The following FMNL1 variants were observed in gnomAD, a reference collection of about 807,000 sequenced individuals.
The protein encoded by FMNL1 is formin-like protein 1.
Under a neutral mutation model 121.3 loss-of-function variants are expected in FMNL1, and 43 were observed. The ratio of observed to expected loss-of-function variants is 0.35; its 90% CI spans 0.28 to 0.46. The LOEUF is 0.46. FMNL1 is among the 20% of genes least tolerant of loss of function. FMNL1 has a pLI of 1.00. For synonymous variants in FMNL1, 613 were observed against 613.5 expected (o/e 1.00, Z 0.01); for missense variants, 1,191 against 1,482.4 (o/e 0.80, Z 3.23).
intron 19 of FMNL1, among the ~76,000 whole-genome samples, 176 bp downstream of exon 19, chr17:45,244,420 G>A (rs2043781820): frequency 6.6e-6 from 1 of 152,246 alleles, no homozygotes; most frequent in Admixed American, 6.5e-5. Context: ...AGCCGTGTCT[G>A]TAGCAGCTCA....
At chr17:45,245,597 G>T (rs374026949) in intron 22 of FMNL1, 35 bp from the exon 23 acceptor site, 171 of 1,612,248 alleles carry the variant, frequency 1.1e-4, no homozygotes, top group Middle Eastern at 6.6e-4. Context: ...GCTGTGAGAG[G>T]TCTAAGCTGG....
At position 45,233,502 on chromosome 17, in the gene FMNL1, C is replaced by T; in HGVS notation, c.402-146C>T. 1.9e-6 allele frequency: 2 copies of T among 1,040,208 alleles called. No individual in the cohort carries two copies. The highest frequency in any genetic ancestry group is 3.1e-5 in the South Asian group (2 of 64,000). The allele number at this position is 1,040,208 out of a possible 1,614,324, so 64.4% of individuals were successfully genotyped here. A position where few individuals can be genotyped will look rare whatever the true frequency, so the allele number is the denominator to read the frequency against. On this transcript the variant is annotated intron_variant, in intron 4 of 26. Coordinates refer to ENST00000331495, the MANE Select transcript of FMNL1 (RefSeq NM_005892.4). This position sits in a 1 kb window ranked among gnomAD's most constrained non-coding sequence, Gnocchi z 4.1. Reference sequence around the variant, plus strand: ...TTGAGGCATGGCTGGGCTGTGGGACCCACCTGAGTCTCCCAGAATCCTTTG... The same window carrying T: ...TTGAGGCATGGCTGGGCTGTGGGACTCACCTGAGTCTCCCAGAATCCTTTG...
At position 45,245,080 on chromosome 17, in the gene FMNL1, C is replaced by A; in HGVS notation, c.2700C>A (p.Asp900Glu). Reference sequence around the variant, plus strand: ...CGCAACTCACAGGCTTCCACAGCGACCTGCACTTCCTGGACAAGGCGGGCT... The same window carrying A: ...CGCAACTCACAGGCTTCCACAGCGAACTGCACTTCCTGGACAAGGCGGGCT... ...KYPQLTGFHS[D>E]LHFLDKAGSV... is the part of the protein sequence containing the mutation. The change falls in exon 21 of 27, where the codon GAC becomes GAA. Residue 900 changes from aspartate (D) to glutamate (E), a missense_variant. Physicochemically the swap from Asp to Glu is conservative, Grantham distance 45. Transcript: ENST00000331495. 3 of 1,614,144 alleles carry A rather than the reference C, an allele frequency of 1.9e-6. No homozygotes were observed. The East Asian group carries it at 6.7e-5, about 36-fold the overall frequency.
At chr17:45,235,736 G>T (rs756912433) in intron 6 of FMNL1, among the ~76,000 whole-genome samples, 3 of 152,224 alleles carry the variant, frequency 2.0e-5, no homozygotes, top group Non-Finnish European at 4.4e-5. Context: ...GGGATAGGGA[G>T]ATTAAGTGAC....
In FMNL1 at chr17:45,241,457, C is replaced by A; in HGVS notation, c.1408C>A (p.Pro470Thr). 1 of 1,568,346 alleles carries A rather than the reference C, an allele frequency of 6.4e-7. No individual in the cohort carries two copies. The highest frequency in any genetic ancestry group is 2.4e-5 in the East Asian group (1 of 42,518). The change falls in exon 14 of 27, where the codon CCG (proline) becomes ACG (threonine). Residue 470 changes from proline to threonine, a missense_variant. Pro to Thr is a conservative substitution (Grantham distance 38, BLOSUM62 -1). Coordinates refer to ENST00000331495, the MANE Select transcript of FMNL1 (RefSeq NM_005892.4). This position sits in a 1 kb window ranked among gnomAD's most constrained non-coding sequence, Gnocchi z 7.0. ...GCCTGAGAAAGCGCCTCCCGCTGCC[C>A]CGACGCGGCCCTCGGCCCTGGAGCT... is the stretch of plus-strand genomic sequence containing the variant. ...PEPEKAPPAA[P>T]TRPSALELKV...
chr17:45,241,967 C>G lies in FMNL1; in HGVS notation c.1706C>G (p.Pro569Arg). 1 of 1,332,456 alleles carries G rather than the reference C, an allele frequency of 7.5e-7. No homozygotes were observed. The highest frequency in any genetic ancestry group is 1.6e-5 in the African/African-American group (1 of 64,340). 82.5% of individuals were successfully genotyped at this position (1,332,456 alleles called of 1,614,324 possible). A position where few individuals can be genotyped will look rare whatever the true frequency, so the allele number is the denominator to read the frequency against. ...GCGCCCCCACAGGCCCCGCCTCTCC[C>G]TGGCAGCCCGGAGCCCCCGCCTGCG... is the stretch of plus-strand genomic sequence containing the variant. ...PSAPPQAPPL[P>R]GSPEPPPAPP... Residue 569 changes from proline (P) to arginine (R), a missense_variant, in exon 15 of 27, where the codon CCT becomes CGT. By Grantham distance (103) the Pro-to-Arg change is moderately radical. This residue lies in a region of FMNL1 where 519 missense variants were observed against 492.8 expected (regional missense o/e 1.05). Transcript: ENST00000331495. The surrounding 1 kb of genome is among the most constrained non-coding windows in gnomAD (Gnocchi z 7.0).
rs182815218 is a variant in FMNL1 at position 45,237,220 on chromosome 17, G to A, written c.724-61G>A. Reference sequence around the variant, plus strand: ...GAGGGCAGTTAAAGATCCACGTGGCGTGGGTGCCTGAAGTCCTGGGGGGCC... The same window carrying A: ...GAGGGCAGTTAAAGATCCACGTGGCATGGGTGCCTGAAGTCCTGGGGGGCC... On this transcript the variant is annotated intron_variant, in intron 7 of 26. Coordinates refer to ENST00000331495, the MANE Select transcript of FMNL1 (RefSeq NM_005892.4). The surrounding 1 kb of genome is among the most constrained non-coding windows in gnomAD (Gnocchi z 4.4). 5.2e-4 allele frequency: 789 copies of A among 1,519,926 alleles called. 21 individuals are homozygous for A. The Admixed American group carries it at 9.9e-3, about 19-fold the overall frequency. The allele number at this position is 1,519,926 out of a possible 1,614,324, so 94.2% of individuals were successfully genotyped here. A position where few individuals can be genotyped will look rare whatever the true frequency, so the allele number is the denominator to read the frequency against.
rs1282755238 is a variant in FMNL1, at chr17:45,243,175, C to G, written c.2068C>G (p.Leu690Val). 2 of 1,614,262 alleles carry G rather than the reference C, an allele frequency of 1.2e-6. No homozygotes were observed. Among genetic ancestry groups the G allele is most frequent in the South Asian group, 2.2e-5 (2 of 91,088 alleles). ...CAAGACCAAGTCCCAAGGCCCCAGC[C>G]TGGACCTCAGCGCTCTCAAGAGTAA... Reference protein sequence around the residue: ...QFKTKSQGPSLDLSALKSKAA... With the variant: ...QFKTKSQGPSVDLSALKSKAA... The change falls in exon 17 of 27, where the codon CTG becomes GTG. Residue 690 changes from leucine to valine, a missense_variant. Coordinates refer to ENST00000331495, the MANE Select transcript of FMNL1 (RefSeq NM_005892.4).
chr17:45,243,864 A>G lies in FMNL1; in HGVS notation c.2287A>G (p.Ser763Gly), dbSNP rs776153031. 6.2e-7 allele frequency: 1 copy of G among 1,613,956 alleles called. No homozygotes were observed. Among genetic ancestry groups the G allele is most frequent in the Non-Finnish European group, 8.5e-7 (1 of 1,180,036 alleles). ...MRFLPTEYER[S>G]LITRFEREQR... The stretch of plus-strand genomic sequence containing the variant: ...CTTCCTGCCCACAGAGTATGAGCGC[A>G]GCCTCATCACCCGCTTTGAGCGGGA... Residue 763 changes from serine to glycine, a missense_variant, in exon 18 of 27, where the codon AGC (serine) becomes GGC (glycine). This residue lies in a region of FMNL1 where 367 missense variants were observed against 528.6 expected (regional missense o/e 0.69). Coordinates refer to ENST00000331495, the MANE Select transcript of FMNL1 (RefSeq NM_005892.4).
Position 45,245,273 on chromosome 17 carries a change from G to A in FMNL1, c.2749G>A (p.Ala917Thr), listed in dbSNP as rs1002636776. 5 of 1,614,080 alleles carry A rather than the reference G, an allele frequency of 3.1e-6. No homozygotes were observed. Among genetic ancestry groups the A allele is most frequent in the Non-Finnish European group, 4.2e-6 (5 of 1,180,028 alleles). ...AGSVSLDSVL[A>T]DVRSLQRGLE... ...CCCAGTGTCCCTGGACAGTGTCCTGGCGGACGTGCGCTCCCTGCAGCGAGG... is the reference window on the plus strand; with the variant it reads ...CCCAGTGTCCCTGGACAGTGTCCTGACGGACGTGCGCTCCCTGCAGCGAGG... The change falls in exon 22 of 27, where the codon GCG becomes ACG. Residue 917 changes from alanine to threonine, a missense_variant. Transcript: ENST00000331495.
intron 1 of FMNL1, among the ~76,000 whole-genome samples, chr17:45,229,758 C>T (rs974041810): frequency 1.3e-4 from 20 of 152,102 alleles, no homozygotes; most frequent in African/African-American, 3.9e-4. Context: ...GCAGGGGCAC[C>T]GTACCCTTGT....
At position 45,231,255 on chromosome 17, in the gene FMNL1, G is replaced by A. The variant is rs1421521707; in HGVS notation, c.213+568G>A. Reference sequence around the variant, plus strand: ...CTTCAAGGGCTGCGGTCGGCCATGGGCCGACCCTCTCCCAGCGCTGGGCTG... The same window carrying A: ...CTTCAAGGGCTGCGGTCGGCCATGGACCGACCCTCTCCCAGCGCTGGGCTG... On this transcript the variant is annotated intron_variant, in intron 2 of 26. Coordinates refer to ENST00000331495, the MANE Select transcript of FMNL1 (RefSeq NM_005892.4). The surrounding 1 kb of genome is among the most constrained non-coding windows in gnomAD (Gnocchi z 4.7). 2.0e-5 allele frequency among the ~76,000 whole-genome samples: 3 copies of A among 152,192 alleles called. No homozygotes were observed. The highest frequency in any genetic ancestry group is 1.9e-4 in the East Asian group (1 of 5,184).
intron 24 of FMNL1, 91 bp downstream of exon 24, chr17:45,246,064 C>T (rs1026079103): frequency 6.6e-7 from 1 of 1,522,718 alleles, no homozygotes; most frequent in African/African-American, 1.4e-5. Flanking sequence ...CTCACTGTTA[C>T]AGACTGACCC....
chr17:45,233,341 C>T lies in FMNL1; in HGVS notation c.401+44C>T, dbSNP rs201087162. 1 of 1,535,952 alleles carries T rather than the reference C, an allele frequency of 6.5e-7. No homozygotes were observed. The highest frequency in any genetic ancestry group is 2.4e-5 in the East Asian group (1 of 40,870). ...CTTCCTCTCTGGGCCTAGGAAGGCT[C>T]TGCTTCCAGGCAGCTCCTGGAGCTT... is the stretch of plus-strand genomic sequence containing the variant. On this transcript the variant is annotated intron_variant, in intron 4 of 26. Transcript: ENST00000331495. This position sits in a 1 kb window ranked among gnomAD's most constrained non-coding sequence, Gnocchi z 4.1.
intron 1 of FMNL1, among the ~76,000 whole-genome samples, chr17:45,225,410 GCT>G (rs1314677714): frequency 1.3e-5 from 2 of 152,226 alleles, no homozygotes; most frequent in Non-Finnish European, 2.9e-5. Context: ...CCATGGGGTC[GCT>G]CAGGCCTTAT....
At chr17:45,244,142 C>T (rs1459858267) in intron 18 of FMNL1, 34 bp from the exon 19 acceptor site, 2 of 1,611,414 alleles carry the variant, frequency 1.2e-6, no homozygotes, top group Admixed American at 3.4e-5. Context: ...GGAGGAGGCT[C>T]CAACTTATCT....
chr17:45,246,064 C>A lies in FMNL1; in HGVS notation c.3090+91C>A. 3 of 1,522,836 alleles carry A rather than the reference C, an allele frequency of 2.0e-6. No individual in the cohort carries two copies. In the South Asian group the frequency reaches 3.9e-5, roughly 20 times the overall value. The allele number at this position is 1,522,836 out of a possible 1,614,324, so 94.3% of individuals were successfully genotyped here. On this transcript the variant is annotated intron_variant, in intron 24 of 26. Coordinates refer to ENST00000331495, the MANE Select transcript of FMNL1 (RefSeq NM_005892.4). The stretch of plus-strand genomic sequence containing the variant: ...TGCCACCCCCACACCCTCACTGTTA[C>A]AGACTGACCCTGCCCCAGGAGCCTG...
intron 26 of FMNL1, 121 bp from the exon 27 acceptor site, chr17:45,246,746 C>T: frequency 1.2e-6 from 1 of 825,280 alleles, no homozygotes; most frequent in Non-Finnish European, 1.9e-6. Flanking sequence ...CAAACATAAA[C>T]GGTACCCCTG....
At chr17:45,239,221 TCTCAGTG>T in intron 11 of FMNL1, 156 bp downstream of exon 11, 1 of 628,940 alleles carries the variant, frequency 1.6e-6, no homozygotes, top group South Asian at 1.9e-5. Flanking sequence ...TCTTCCTCTC[TCTCAGTG>T]TCAGTTTTGC....
Sources: gnomAD v4.1 joint callset for allele counts (sites outside exome capture counted in the v4.1 genomes callset) on GRCh38, gnomAD v4.1.1 for gene constraint, gnomAD v4.1.1 regional missense constraint, Gnocchi (gnomAD v3.1) non-coding constraint, MANE v1.5 for transcripts, NCBI Gene and HGNC (gene_info 2026-07-23, HGNC 2026-07-21) for gene names.